Variants in SPOCK3 observed in about 807,000 individuals in gnomAD.
The protein encoded by SPOCK3 is SPARC (osteonectin), cwcv and kazal like domains proteoglycan 3.
Under a neutral mutation model 56.6 loss-of-function variants are expected in SPOCK3, and 30 were observed. The observed-to-expected ratio is 0.53, with a 90% CI of 0.40 to 0.72. The LOEUF is 0.72. Among genes scored for constraint, SPOCK3 ranks in the 30% least tolerant of loss-of-function variants. SPOCK3 has a pLI of 0.00. For missense variants in SPOCK3, 527 were observed against 530.0 expected (o/e 0.99, Z 0.06); for synonymous variants, 196 against 183.3 (o/e 1.07, Z -0.56).
At chr4:167,128,892 G>T (rs532287394) in intron 2 of SPOCK3, among the ~76,000 whole-genome samples, 33 of 152,218 alleles carry the variant, frequency 2.2e-4, no homozygotes, top group Non-Finnish European at 3.7e-4. Context: ...GGATTCCAGG[G>T]TGATGGATGG....
At position 166,957,565 on chromosome 4, in the gene SPOCK3, T is replaced by G. The variant is rs1743635392; in HGVS notation, c.350+42784A>C. Among the ~76,000 whole-genome samples the G allele has an allele frequency of 2.0e-5, 3 of 152,162 alleles. No individual in the cohort carries two copies. The South Asian group carries it at 6.2e-4, about 32-fold the overall frequency. On this transcript the variant is annotated intron_variant, in intron 4 of 10. Coordinates refer to ENST00000357545, the MANE Select transcript of SPOCK3 (RefSeq NM_001040159.2). The stretch of plus-strand genomic sequence containing the variant: ...TTGACTCCTCTTTATTTTCACAGTC[T>G]AAGGCAGAAGTGGTGGCTCTTTCTT...
intron 2 of SPOCK3, among the ~76,000 whole-genome samples, chr4:167,182,167 T>C (rs1213821374): frequency 6.6e-6 from 1 of 152,180 alleles, no homozygotes; most frequent in Non-Finnish European, 1.5e-5. Context: ...AGAGAATGCA[T>C]ACTGCCTAAT....
At chr4:166,939,263 G>C (rs1364116372) in intron 4 of SPOCK3, among the ~76,000 whole-genome samples, 1 of 152,030 alleles carries the variant, frequency 6.6e-6, no homozygotes, top group Non-Finnish European at 1.5e-5. Flanking sequence ...GCAGTTAAGA[G>C]TTAATATCAT....
At chr4:167,222,706 C>T (rs1230943828) in intron 2 of SPOCK3, among the ~76,000 whole-genome samples, 1 of 128,382 alleles carries the variant, frequency 7.8e-6, no homozygotes, top group Non-Finnish European at 1.6e-5. Flanking sequence ...AACATATAAA[C>T]ATAGATATAT....
chr4:166,845,841 G>C (rs775754409), intron 6 of SPOCK3, among the ~76,000 whole-genome samples: 3 of 152,098 alleles, frequency 2.0e-5, no homozygotes, highest in Non-Finnish European at 4.4e-5. Flanking sequence ...ATGGGAATAG[G>C]TTATGAGAAA....
intron 2 of SPOCK3, among the ~76,000 whole-genome samples, chr4:167,095,859 A>G (rs1393312974): frequency 6.6e-6 from 1 of 151,956 alleles, no homozygotes; most frequent in Non-Finnish European, 1.5e-5. Context: ...CTGTTTTATT[A>G]GTAAATGCAA....
chr4:166,828,482 A>T (rs2126785983), intron 6 of SPOCK3, among the ~76,000 whole-genome samples: 1 of 152,126 alleles, frequency 6.6e-6, no homozygotes, highest in East Asian at 1.9e-4. Context: ...TGTGTAACTT[A>T]TCATATTATG....
intron 2 of SPOCK3, among the ~76,000 whole-genome samples, chr4:167,132,833 T>A (rs2150384372): frequency 6.6e-6 from 1 of 152,262 alleles, no homozygotes; most frequent in East Asian, 1.9e-4. Flanking sequence ...CATCTGTGTG[T>A]CTCTTATATA....
intron 6 of SPOCK3, among the ~76,000 whole-genome samples, chr4:166,820,758 A>C (rs1375658346): frequency 6.6e-6 from 1 of 151,992 alleles, no homozygotes; most frequent in Admixed American, 6.6e-5. Context: ...TGTGAGGTGG[A>C]GGCTGCAAGG....
chr4:166,978,910 G>T (rs371303804), intron 4 of SPOCK3, among the ~76,000 whole-genome samples: 3 of 152,038 alleles, frequency 2.0e-5, no homozygotes, highest in South Asian at 2.1e-4. Context: ...TCCAGAAAAG[G>T]GATATGAGTG....
chr4:167,216,729 G>A (rs897429709), intron 2 of SPOCK3, among the ~76,000 whole-genome samples: 6 of 152,016 alleles, frequency 3.9e-5, no homozygotes, highest in African/African-American at 1.4e-4. Context: ...AATAATCACA[G>A]CTGAGAACTG....
chr4:167,068,969 G>A (rs1756415297), intron 2 of SPOCK3, among the ~76,000 whole-genome samples: 1 of 151,858 alleles, frequency 6.6e-6, no homozygotes, highest in Admixed American at 6.6e-5. Flanking sequence ...TAGGACATAG[G>A]AACCCAAAAA....
chr4:167,223,504 T>C (rs1736277338), intron 2 of SPOCK3, among the ~76,000 whole-genome samples: 1 of 151,774 alleles, frequency 6.6e-6, no homozygotes, highest in Admixed American at 6.6e-5. Flanking sequence ...ATTACTCTTC[T>C]GTGTTTAAGG....
At chr4:166,736,384 G>A (rs1734219298) in intron 10 of SPOCK3, among the ~76,000 whole-genome samples, 2 of 152,174 alleles carry the variant, frequency 1.3e-5, no homozygotes, top group Admixed American at 6.6e-5. Flanking sequence ...TTACAAAGAT[G>A]TGTTCCCTAT....
intron 3 of SPOCK3, among the ~76,000 whole-genome samples, chr4:167,025,965 G>T (rs10013690): frequency 1.5e-3 from 234 of 152,124 alleles, no homozygotes; most frequent in African/African-American, 5.5e-3. Context: ...AACACTGTAG[G>T]CCCTTGTAAC....
chr4:166,860,755 C>T lies in SPOCK3; in HGVS notation c.589+28375G>A, dbSNP rs12648509. ...TGTTTCAGAACCTCCCACTACATTC[C>T]TCACTCAGAACACAGGAAAACACAC... On this transcript the variant is annotated intron_variant, in intron 6 of 10. Coordinates refer to ENST00000357545, the MANE Select transcript of SPOCK3 (RefSeq NM_001040159.2). 3.6e-3 allele frequency among the ~76,000 whole-genome samples: 381 copies of T among 104,552 alleles called. 10 individuals are homozygous for T. The East Asian group carries it at 0.12, about 33-fold the overall frequency. 68.6% of individuals were successfully genotyped at this position (104,552 alleles called of 152,430 possible). A position where few individuals can be genotyped will look rare whatever the true frequency, so the allele number is the denominator to read the frequency against.
chr4:166,977,024 A>C (rs575430103), intron 4 of SPOCK3, among the ~76,000 whole-genome samples: 31 of 152,204 alleles, frequency 2.0e-4, no homozygotes, highest in African/African-American at 5.8e-4. Flanking sequence ...AAGGCAGAGC[A>C]AAAATTTAAG....
intron 4 of SPOCK3, among the ~76,000 whole-genome samples, chr4:166,971,968 C>T (rs1252251655): frequency 6.6e-6 from 1 of 152,098 alleles, no homozygotes; most frequent in Admixed American, 6.6e-5. Context: ...CAAGTGATTC[C>T]TGCTGGCTCA....
At chr4:166,751,349 A>T (rs1178029379) in intron 8 of SPOCK3, among the ~76,000 whole-genome samples, 1 of 152,054 alleles carries the variant, frequency 6.6e-6, no homozygotes, top group African/African-American at 2.4e-5. Context: ...CTGAGAAAAA[A>T]CCCTGCATAA....
Sources: allele counts gnomAD v4.1 joint callset (sites outside exome capture counted in the v4.1 genomes callset), GRCh38; gene constraint gnomAD v4.1.1; transcripts MANE v1.5; gene names NCBI Gene and HGNC (gene_info 2026-07-23, HGNC 2026-07-21).